ZDHHC15: variants seen among roughly 807,000 people sequenced by gnomAD.
ZDHHC15 encodes palmitoyltransferase ZDHHC15.
Under a neutral mutation model 31.7 loss-of-function variants are expected in ZDHHC15, and 19 were observed. That is an observed-to-expected ratio of 0.60 (90% confidence interval 0.42 to 0.88). The LOEUF is 0.88. Ranked by LOEUF, ZDHHC15 falls within the 40% of genes least tolerant of loss-of-function variation. The pLI is 0.00. For synonymous variants in ZDHHC15, 103 were observed against 90.0 expected (o/e 1.14, Z -0.82); for missense variants, 209 against 251.2 (o/e 0.83, Z 1.14).
chrX:75,405,629 A>G (rs149745776), intron 10 of ZDHHC15, among the ~76,000 whole-genome samples: 1,260 of 112,069 alleles, frequency 0.011, 15 homozygotes, highest in African/African-American at 0.039. Context: ...AATTATAAAT[A>G]TCAATGCACT....
chrX:75,470,530 C>T (rs2084487942), intron 3 of ZDHHC15, among the ~76,000 whole-genome samples: 1 of 111,754 alleles, frequency 8.9e-6, no homozygotes, highest in Admixed American at 9.5e-5. Context: ...ACCAGGGTAA[C>T]TGCACTGGGG....
chrX:75,436,311 T>C (rs2083851137), intron 4 of ZDHHC15, among the ~76,000 whole-genome samples: 1 of 112,132 alleles, frequency 8.9e-6, no homozygotes, highest in African/African-American at 3.2e-5. Flanking sequence ...TTTTGTATTC[T>C]TATTTTTTGT....
intron 2 of ZDHHC15, among the ~76,000 whole-genome samples, chrX:75,488,885 G>A (rs1203304520): frequency 1.8e-5 from 2 of 112,013 alleles, no homozygotes; most frequent in Non-Finnish European, 3.8e-5. Flanking sequence ...CTGGAAAATC[G>A]GGTCACTCCC....
At chrX:75,510,625 T>C in intron 1 of ZDHHC15, among the ~76,000 whole-genome samples, 1 of 95,685 alleles carries the variant, frequency 1.0e-5, no homozygotes, top group Non-Finnish European at 2.1e-5. Context: ...GTGCACATTG[T>C]GCAGGTTAGT....
intron 3 of ZDHHC15, among the ~76,000 whole-genome samples, chrX:75,461,507 A>G (rs766880554): frequency 1.8e-4 from 20 of 111,739 alleles, no homozygotes; most frequent in Non-Finnish European, 3.8e-4. Flanking sequence ...GTTGAAATAA[A>G]GAAAATATTC....
At chrX:75,408,054 C>T (rs1341344843) in intron 10 of ZDHHC15, among the ~76,000 whole-genome samples, 3 of 109,690 alleles carry the variant, frequency 2.7e-5, no homozygotes, top group Non-Finnish European at 5.7e-5. Context: ...TCTCAAGTAC[C>T]CAGGGACACA....
chrX:75,451,195 T>C (rs1286952328), intron 3 of ZDHHC15, among the ~76,000 whole-genome samples: 3 of 111,928 alleles, frequency 2.7e-5, no homozygotes, highest in African/African-American at 9.7e-5. Context: ...AACTAACAAG[T>C]GGCAATGCTG....
At chrX:75,380,022 T>C (rs2083098354) in intron 10 of ZDHHC15, among the ~76,000 whole-genome samples, 1 of 111,600 alleles carries the variant, frequency 9.0e-6, no homozygotes, top group Non-Finnish European at 1.9e-5. Flanking sequence ...TAAAAGTGGC[T>C]CTGAGAATGT....
At chrX:75,459,015 C>A (rs544328175) in intron 3 of ZDHHC15, among the ~76,000 whole-genome samples, 5,394 of 97,619 alleles carry the variant, frequency 0.055, 238 homozygotes, top group Non-Finnish European at 0.08. Flanking sequence ...AAAAAAACAA[C>A]CCCCAGCCAA....
At chrX:75,435,213 T>C (rs191143763) in intron 4 of ZDHHC15, among the ~76,000 whole-genome samples, 2 of 112,004 alleles carry the variant, frequency 1.8e-5, no homozygotes, top group South Asian at 3.7e-4. Flanking sequence ...TTTTATTGAA[T>C]TCATTGATCA....
Position 75,505,859 on chromosome X carries a change from C to G in ZDHHC15, c.137-12G>C, listed in dbSNP as rs1478091582. 2 of 1,195,529 alleles carry G rather than the reference C, an allele frequency of 1.7e-6. No individual in the cohort carries two copies. The highest frequency in any genetic ancestry group is 2.2e-5 in the Admixed American group (1 of 45,502). ...GCTCAAAACAGTCACTGTGAAGAGA[C>G]AGGAGAAAGAGAGACAGACAGACAG... is the stretch of plus-strand genomic sequence containing the variant. On this transcript the variant is annotated splice_polypyrimidine_tract_variant and intron_variant, in intron 1 of 11. Transcript: ENST00000373367.
chrX:75,444,638 CTGTATATATA>C (rs1766505573), intron 4 of ZDHHC15, among the ~76,000 whole-genome samples: 1 of 24,304 alleles, frequency 4.1e-5, no homozygotes. Flanking sequence ...AAAAGCAACA[CTGTATATATA>C]TATATATATA....
chrX:75,467,120 T>C (rs767323331), intron 3 of ZDHHC15, among the ~76,000 whole-genome samples: 1 of 112,628 alleles, frequency 8.9e-6, no homozygotes, highest in Non-Finnish European at 1.9e-5. Flanking sequence ...ATGAACTAAA[T>C]ACTGCAAAGT....
At chrX:75,429,223 G>A in intron 6 of ZDHHC15, 25 bp from the exon 7 acceptor site, 1 of 1,188,528 alleles carries the variant, frequency 8.4e-7, no homozygotes, top group Non-Finnish European at 1.1e-6. Flanking sequence ...AAACTAATTT[G>A]ACATCAGGAC....
chrX:75,444,667 TATATATATATATATATATATACACAC>T (rs1339514318), intron 4 of ZDHHC15, among the ~76,000 whole-genome samples: 1 of 79,459 alleles, frequency 1.3e-5, no homozygotes, highest in African/African-American at 5.2e-5. Flanking sequence ...TATATATATA[TATATATATATATATATATATACACAC>T]ACACACACAC....
intron 10 of ZDHHC15, among the ~76,000 whole-genome samples, chrX:75,387,970 A>G (rs193110003): frequency 8.9e-6 from 1 of 112,289 alleles, no homozygotes; most frequent in African/African-American, 3.2e-5. Flanking sequence ...AGGAGCTTCA[A>G]TTTATTTGGC....
intron 4 of ZDHHC15, among the ~76,000 whole-genome samples, chrX:75,443,670 G>C (rs2083982091): frequency 8.9e-6 from 1 of 112,009 alleles, no homozygotes; most frequent in Non-Finnish European, 1.9e-5. Context: ...TATCGTCAGA[G>C]TGAACAGGCA....
intron 10 of ZDHHC15, among the ~76,000 whole-genome samples, chrX:75,385,892 G>T (rs2083174250): frequency 9.0e-6 from 1 of 111,396 alleles, no homozygotes; most frequent in Non-Finnish European, 1.9e-5. Flanking sequence ...ATCCTGTATT[G>T]TGTTCTGTTA....
intron 2 of ZDHHC15, among the ~76,000 whole-genome samples, chrX:75,497,829 T>A (rs763208481): frequency 1.8e-5 from 2 of 110,882 alleles, no homozygotes; most frequent in East Asian, 5.7e-4. Context: ...ATACACCTTA[T>A]GGCAACGAAA....
Sources: gnomAD v4.1 joint callset for allele counts (sites outside exome capture counted in the v4.1 genomes callset) on GRCh38, gnomAD v4.1.1 for gene constraint, MANE v1.5 for transcripts, NCBI Gene and HGNC (gene_info 2026-07-23, HGNC 2026-07-21) for gene names.